The following AP1G1 variants were observed in gnomAD, a reference collection of about 807,000 sequenced individuals.
AP1G1 encodes AP-1 complex subunit gamma-1.
Under a neutral mutation model 108.3 loss-of-function variants are expected in AP1G1, and 7 were observed. The ratio of observed to expected loss-of-function variants is 0.06; its 90% CI spans 0.04 to 0.12. The LOEUF (loss-of-function observed/expected upper bound fraction) is 0.12. Among genes scored for constraint, AP1G1 ranks in the 10% least tolerant of loss-of-function variants. The pLI is 1.00. For missense variants in AP1G1, 756 were observed against 1,010.7 expected (o/e 0.75, Z 3.42); for synonymous variants, 379 against 353.5 (o/e 1.07, Z -0.81).
intron 1 of AP1G1, 148 bp from the exon 2 acceptor site, chr16:71,789,630 G>A (rs1597081970): frequency 1.3e-6 from 1 of 744,296 alleles, no homozygotes; most frequent in East Asian, 2.7e-5. Flanking sequence ...AGCGTGCTAA[G>A]CTTCCGCAAA....
chr16:71,802,918 G>T (rs998868868), intron 1 of AP1G1, among the ~76,000 whole-genome samples: 2 of 151,900 alleles, frequency 1.3e-5, no homozygotes, highest in Non-Finnish European at 2.9e-5. Context: ...ATCTTTGAAA[G>T]ATTTAAAATA....
In AP1G1 at chr16:71,773,345, G is replaced by A. The variant is rs369782155; in HGVS notation, c.344C>T (p.Thr115Met). ...AAGTGCTAACCCCTGTACGAATTGCGTGCTATGATTAAGATCACTGCAAAA... is the reference window on the plus strand; with the variant it reads ...AAGTGCTAACCCCTGTACGAATTGCATGCTATGATTAAGATCACTGCAAAA... ...NCIKNDLNHSTQFVQGLALCT... is the reference protein window; with the variant it reads ...NCIKNDLNHSMQFVQGLALCT... The change falls in exon 4 of 23, where the codon ACG (threonine) becomes ATG (methionine). Residue 115 changes from threonine (T) to methionine (M), a missense_variant. Physicochemically the swap from Thr to Met is moderately conservative, Grantham distance 81. Coordinates refer to ENST00000299980, the MANE Select transcript of AP1G1 (RefSeq NM_001128.6). The A allele has an allele frequency of 2.1e-5, 32 of 1,545,552 alleles. No individual in the cohort carries two copies. Among genetic ancestry groups the A allele is most frequent in the Non-Finnish European group, 2.6e-5 (30 of 1,154,272 alleles).
chr16:71,775,420 A>G (rs919151210), intron 2 of AP1G1, among the ~76,000 whole-genome samples: 4 of 152,180 alleles, frequency 2.6e-5, no homozygotes, highest in African/African-American at 9.6e-5. Flanking sequence ...CATTTTATCA[A>G]GGCCCCATGA....
At chr16:71,755,036 A>C (rs2030707413) in intron 12 of AP1G1, among the ~76,000 whole-genome samples, 1 of 152,208 alleles carries the variant, frequency 6.6e-6, no homozygotes, top group Admixed American at 6.5e-5. Flanking sequence ...AAAGAAGAGA[A>C]AGAATAGCTG....
intron 17 of AP1G1, among the ~76,000 whole-genome samples, chr16:71,746,295 C>T (rs897157613): frequency 2.6e-5 from 4 of 152,112 alleles, no homozygotes; most frequent in Non-Finnish European, 5.9e-5. Flanking sequence ...CAGGCGTGAG[C>T]CACCACGCCC....
intron 22 of AP1G1, 78 bp from the exon 23 acceptor site, chr16:71,733,237 T>C: frequency 8.3e-7 from 1 of 1,203,658 alleles, no homozygotes. Context: ...AAATAGACTT[T>C]TAATCTTAGA....
At chr16:71,775,694 T>C (rs1190223350) in intron 2 of AP1G1, among the ~76,000 whole-genome samples, 1 of 152,178 alleles carries the variant, frequency 6.6e-6, no homozygotes, top group Non-Finnish European at 1.5e-5. Context: ...CTAAGTTTAA[T>C]ATAATGTGGA....
chr16:71,766,975 A>G, intron 6 of AP1G1, among the ~76,000 whole-genome samples: 1 of 152,252 alleles, frequency 6.6e-6, no homozygotes, highest in East Asian at 1.9e-4. Flanking sequence ...TATACCTTTT[A>G]AAACCACTTT....
At chr16:71,788,744 CA>C (rs1377251098) in intron 2 of AP1G1, among the ~76,000 whole-genome samples, 4 of 151,602 alleles carry the variant, frequency 2.6e-5, no homozygotes, top group South Asian at 2.1e-4. Flanking sequence ...AATGAGGCCT[CA>C]AAACTCCTGG....
At chr16:71,745,711 C>A in intron 17 of AP1G1, 97 bp from the exon 18 acceptor site, 1 of 975,210 alleles carries the variant, frequency 1.0e-6, no homozygotes. Flanking sequence ...GCATGGAGAT[C>A]TATCTCCCCT....
chr16:71,740,501 G>C (rs913392880), intron 19 of AP1G1, among the ~76,000 whole-genome samples: 8 of 152,262 alleles, frequency 5.3e-5, no homozygotes, highest in Middle Eastern at 3.4e-3. Flanking sequence ...CAACCAAAAT[G>C]TCTGTCATCT....
rs373149206 is a variant in AP1G1 at position 71,756,083 on chromosome 16, G to C, written c.1165C>G (p.Leu389Val). 2 of 1,613,320 alleles carry C rather than the reference G, an allele frequency of 1.2e-6. No individual in the cohort carries two copies. Among genetic ancestry groups the C allele is most frequent in the African/African-American group, 1.3e-5 (1 of 74,900 alleles). The change falls in exon 12 of 23, where the codon CTG becomes GTG. Residue 389 changes from leucine (L) to valine (V), a missense_variant. Physicochemically the swap from Leu to Val is conservative, Grantham distance 32. Coordinates refer to ENST00000299980, the MANE Select transcript of AP1G1 (RefSeq NM_001128.6). Reference sequence around the variant, plus strand: ...TTAAATTCTGGCTCACACGAATCCAGAAAATAAAGTAATTCTTTCATCATG... The same window carrying C: ...TTAAATTCTGGCTCACACGAATCCACAAAATAAAGTAATTCTTTCATCATG... ...RGMMKELLYF[L>V]DSCEPEFKAD...
intron 16 of AP1G1, among the ~76,000 whole-genome samples, chr16:71,747,557 G>C (rs2030248336): frequency 6.6e-6 from 1 of 151,664 alleles, no homozygotes; most frequent in Non-Finnish European, 1.5e-5. Context: ...ACTCCAGCCT[G>C]GCAACAGAGC....
chr16:71,763,571 TG>T (rs1329413250), intron 9 of AP1G1, among the ~76,000 whole-genome samples: 1 of 152,250 alleles, frequency 6.6e-6, no homozygotes, highest in African/African-American at 2.4e-5. Flanking sequence ...TGCATGAATT[TG>T]GAAGTGGCTC....
intron 9 of AP1G1, among the ~76,000 whole-genome samples, chr16:71,763,326 G>A (rs761424761): frequency 2.0e-5 from 3 of 152,124 alleles, no homozygotes; most frequent in Non-Finnish European, 2.9e-5. Context: ...ATTCACAGAC[G>A]GAAAGTAGAA....
intron 13 of AP1G1, chr16:71,753,607 T>A: frequency 1.9e-6 from 1 of 525,018 alleles, no homozygotes; most frequent in Non-Finnish European, 3.5e-6. Flanking sequence ...CCTGACTAAC[T>A]CTAATCTAAA....
At chr16:71,750,081 G>T in intron 14 of AP1G1, 98 bp from the exon 15 acceptor site, 2 of 1,463,504 alleles carry the variant, frequency 1.4e-6, no homozygotes, top group Non-Finnish European at 1.9e-6. Context: ...TCAAAACTGT[G>T]CATATCTAGA....
At chr16:71,806,358 C>G (rs558156254) in intron 1 of AP1G1, among the ~76,000 whole-genome samples, 3 of 152,260 alleles carry the variant, frequency 2.0e-5, no homozygotes, top group African/African-American at 7.2e-5. Context: ...CAAAAGGACC[C>G]TTTCTACAGT....
At chr16:71,784,507 G>C (rs2032131732) in intron 2 of AP1G1, among the ~76,000 whole-genome samples, 2 of 152,080 alleles carry the variant, frequency 1.3e-5, no homozygotes, top group African/African-American at 4.8e-5. Flanking sequence ...GTAGATGCTG[G>C]TAGTTTATGC....
Sources: gnomAD v4.1 joint callset for allele counts (sites outside exome capture counted in the v4.1 genomes callset) on GRCh38, gnomAD v4.1.1 for gene constraint, MANE v1.5 for transcripts, NCBI Gene and HGNC (gene_info 2026-07-23, HGNC 2026-07-21) for gene names.